Variants in GLRA3 observed in about 807,000 individuals in gnomAD.
The protein encoded by GLRA3 is glycine receptor subunit alpha-3.
A neutral mutation model predicts 60.4 loss-of-function variants in GLRA3; 44 were observed. The observed-to-expected ratio is 0.73, with a 90% CI of 0.57 to 0.94. GLRA3 has a LOEUF of 0.94. GLRA3 is among the 40% of genes least tolerant of loss of function. GLRA3 has a pLI of 0.00. For synonymous variants in GLRA3, 223 were observed against 192.9 expected (o/e 1.16, Z -1.29); for missense variants, 508 against 564.6 (o/e 0.90, Z 1.02).
intron 3 of GLRA3, among the ~76,000 whole-genome samples, chr4:174,737,636 T>C (rs1284794141): frequency 6.6e-6 from 1 of 152,036 alleles, no homozygotes; most frequent in African/African-American, 2.4e-5. Context: ...GCCTCAGCTC[T>C]AAGAAGCCAG....
chr4:174,805,876 C>T (rs1243904905), intron 1 of GLRA3, among the ~76,000 whole-genome samples: 2 of 152,062 alleles, frequency 1.3e-5, no homozygotes, highest in East Asian at 1.9e-4. Flanking sequence ...TTGACAAAGG[C>T]AGTGATTCTT....
intron 3 of GLRA3, among the ~76,000 whole-genome samples, chr4:174,743,866 G>A (rs1163872114): frequency 1.3e-5 from 2 of 152,144 alleles, no homozygotes; most frequent in Non-Finnish European, 2.9e-5. Context: ...TCTTAGAAGT[G>A]ACAGCTCTGT....
At chr4:174,761,470 T>C (rs1166163682) in intron 3 of GLRA3, among the ~76,000 whole-genome samples, 1 of 152,220 alleles carries the variant, frequency 6.6e-6, no homozygotes, top group Non-Finnish European at 1.5e-5. Flanking sequence ...TGCATCTATG[T>C]ACACCGACAC....
At chr4:174,654,449 CAT>C (rs1733124802) in intron 9 of GLRA3, among the ~76,000 whole-genome samples, 1 of 152,054 alleles carries the variant, frequency 6.6e-6, no homozygotes, top group Non-Finnish European at 1.5e-5. Context: ...CCTAGCAAAA[CAT>C]AAACTTGGCT....
intron 7 of GLRA3, among the ~76,000 whole-genome samples, chr4:174,666,759 TTATA>T (rs1282330518): frequency 6.0e-4 from 32 of 53,400 alleles, no homozygotes; most frequent in Middle Eastern, 9.8e-3. Flanking sequence ...TATATATATA[TTATA>T]TATATATATA....
intron 3 of GLRA3, among the ~76,000 whole-genome samples, chr4:174,759,846 A>G (rs1044635413): frequency 7.2e-5 from 11 of 152,172 alleles, no homozygotes; most frequent in Non-Finnish European, 1.5e-4. Context: ...GTACGTATAC[A>G]TATACAACTG....
intron 1 of GLRA3, among the ~76,000 whole-genome samples, chr4:174,819,186 G>A (rs1740635881): frequency 6.6e-6 from 1 of 152,190 alleles, no homozygotes; most frequent in Non-Finnish European, 1.5e-5. Context: ...AACTGGACAA[G>A]TGAATATAGA....
At chr4:174,700,547 A>G (rs1404501616) in intron 5 of GLRA3, among the ~76,000 whole-genome samples, 1 of 152,198 alleles carries the variant, frequency 6.6e-6, no homozygotes, top group South Asian at 2.1e-4. Flanking sequence ...AAGGAAAAGC[A>G]ACACATCTCT....
intron 5 of GLRA3, among the ~76,000 whole-genome samples, chr4:174,708,536 ACTT>A (rs1298074637): frequency 4.0e-5 from 6 of 151,042 alleles, no homozygotes; most frequent in African/African-American, 1.5e-4. Flanking sequence ...GGCAGACAAT[ACTT>A]CTTCACTGAG....
At chr4:174,688,789 C>G (rs764561009) in intron 5 of GLRA3, among the ~76,000 whole-genome samples, 1 of 151,810 alleles carries the variant, frequency 6.6e-6, no homozygotes, top group East Asian at 1.9e-4. Context: ...TCTACATATA[C>G]TAATTAAAAT....
Position 174,788,903 on chromosome 4 carries a change from T to C in GLRA3, c.112A>G (p.Ser38Gly). Reference protein sequence around the residue: ...TKETDSARSRSAPMSPSDFLD... With the variant: ...TKETDSARSRGAPMSPSDFLD... The stretch of plus-strand genomic sequence containing the variant: ...AAATCAGAAGGTGACATTGGAGCAC[T>C]TCGAGATCTTGCACTGTCTGTTTCC... Residue 38 changes from serine to glycine, a missense_variant, in exon 2 of 10, where the codon AGT (serine) becomes GGT (glycine). Physicochemically the swap from Ser to Gly is moderately conservative, Grantham distance 56 (BLOSUM62 0). Transcript: ENST00000274093. 1 of 1,608,120 alleles carries C rather than the reference T, an allele frequency of 6.2e-7. No individual in the cohort carries two copies. Among genetic ancestry groups the C allele is most frequent in the Non-Finnish European group, 8.5e-7 (1 of 1,175,988 alleles).
intron 5 of GLRA3, among the ~76,000 whole-genome samples, chr4:174,695,838 C>T (rs1382412268): frequency 6.6e-6 from 1 of 152,000 alleles, no homozygotes; most frequent in African/African-American, 2.4e-5. Context: ...GTCTAGAAAA[C>T]CCCATAGTCT....
chr4:174,719,252 C>T (rs892935989), intron 4 of GLRA3, among the ~76,000 whole-genome samples: 2 of 152,032 alleles, frequency 1.3e-5, no homozygotes, highest in South Asian at 2.1e-4. Context: ...CGTGAGCCAC[C>T]GCGCCCGGCC....
intron 5 of GLRA3, among the ~76,000 whole-genome samples, chr4:174,706,200 A>C (rs971336344): frequency 6.6e-6 from 1 of 151,952 alleles, no homozygotes; most frequent in African/African-American, 2.4e-5. Flanking sequence ...ACTGCACTCC[A>C]GCCTGGGCGA....
At chr4:174,759,995 G>T (rs916785817) in intron 3 of GLRA3, among the ~76,000 whole-genome samples, 2 of 151,976 alleles carry the variant, frequency 1.3e-5, no homozygotes, top group South Asian at 2.1e-4. Context: ...AGCAAACAAG[G>T]TTAAATTTTG....
intron 3 of GLRA3, among the ~76,000 whole-genome samples, chr4:174,764,003 T>C (rs1738042021): frequency 6.6e-6 from 1 of 152,112 alleles, no homozygotes; most frequent in African/African-American, 2.4e-5. Flanking sequence ...TGACTATGTG[T>C]AAAATAATGA....
At chr4:174,732,809 A>ATGTGTGTATG (rs1429449942) in intron 3 of GLRA3, among the ~76,000 whole-genome samples, 1 of 151,622 alleles carries the variant, frequency 6.6e-6, no homozygotes, top group African/African-American at 2.4e-5. Flanking sequence ...GTATGTATGT[A>ATGTGTGTATG]TGTGTGTATG....
intron 2 of GLRA3, among the ~76,000 whole-genome samples, chr4:174,772,826 A>T (rs987038278): frequency 4.6e-5 from 7 of 152,136 alleles, no homozygotes; most frequent in African/African-American, 1.7e-4. Flanking sequence ...GAAATTTATG[A>T]TAATAGTCTG....
At chr4:174,656,998 T>C (rs1219612185) in intron 8 of GLRA3, among the ~76,000 whole-genome samples, 3 of 152,190 alleles carry the variant, frequency 2.0e-5, no homozygotes, top group Admixed American at 6.5e-5. Context: ...ATCATAATTA[T>C]GTTTAATTAC....
Sources: allele counts gnomAD v4.1 joint callset (sites outside exome capture counted in the v4.1 genomes callset), GRCh38; gene constraint gnomAD v4.1.1; transcripts MANE v1.5; gene names NCBI Gene and HGNC (gene_info 2026-07-23, HGNC 2026-07-21).